The following CHCHD6 variants were observed in gnomAD, a reference collection of about 807,000 sequenced individuals.
CHCHD6 encodes coiled-coil-helix-coiled-coil-helix domain containing 6.
A neutral mutation model predicts 32.3 loss-of-function variants in CHCHD6; 28 were observed. The ratio of observed to expected loss-of-function variants is 0.87; its 90% CI spans 0.64 to 1.19. The LOEUF (loss-of-function observed/expected upper bound fraction) is 1.19. Ranked by LOEUF, CHCHD6 falls within the 50% of genes most tolerant of loss-of-function variation. CHCHD6 has a pLI of 0.00. For missense variants in CHCHD6, 333 were observed against 307.0 expected (o/e 1.08, Z -0.63); for synonymous variants, 122 against 117.5 (o/e 1.04, Z -0.25).
intron 5 of CHCHD6, among the ~76,000 whole-genome samples, chr3:126,855,907 A>G (rs574544120): frequency 1.3e-5 from 2 of 152,318 alleles, no homozygotes; most frequent in East Asian, 1.9e-4. Context: ...GGAGAACCGC[A>G]AGGTCCCATG....
At chr3:126,919,210 T>C (rs1041186415) in intron 6 of CHCHD6, among the ~76,000 whole-genome samples, 1 of 152,154 alleles carries the variant, frequency 6.6e-6, no homozygotes, top group Non-Finnish European at 1.5e-5. Flanking sequence ...TTAGGTTAAG[T>C]TGGTTAGTCA....
intron 6 of CHCHD6, among the ~76,000 whole-genome samples, chr3:126,939,175 A>C (rs568906739): frequency 1.3e-5 from 2 of 152,130 alleles, no homozygotes; most frequent in South Asian, 4.2e-4. Flanking sequence ...AGAATCCACC[A>C]CCCCGGGGTG....
At chr3:126,788,617 G>C (rs1017286892) in intron 4 of CHCHD6, among the ~76,000 whole-genome samples, 1 of 152,148 alleles carries the variant, frequency 6.6e-6, no homozygotes, top group Non-Finnish European at 1.5e-5. Context: ...TTGTGTAGAA[G>C]TGTTTATAGT....
intron 4 of CHCHD6, among the ~76,000 whole-genome samples, chr3:126,737,317 T>C (rs2107661632): frequency 6.6e-6 from 1 of 151,548 alleles, no homozygotes; most frequent in Non-Finnish European, 1.5e-5. Context: ...AGATTCCATC[T>C]AAAAACCCAA....
intron 4 of CHCHD6, among the ~76,000 whole-genome samples, chr3:126,850,186 C>T (rs573013801): frequency 2.6e-5 from 4 of 152,336 alleles, no homozygotes; most frequent in African/African-American, 9.6e-5. Context: ...GAATTAGAGA[C>T]GGTGAGCTCA....
At chr3:126,916,446 C>T (rs1313402717) in intron 6 of CHCHD6, among the ~76,000 whole-genome samples, 1 of 151,802 alleles carries the variant, frequency 6.6e-6, no homozygotes, top group Non-Finnish European at 1.5e-5. Flanking sequence ...AATTTCAAGT[C>T]CTACAGCAAT....
intron 5 of CHCHD6, among the ~76,000 whole-genome samples, chr3:126,900,502 C>T (rs908589923): frequency 1.4e-4 from 21 of 152,070 alleles, no homozygotes; most frequent in African/African-American, 5.1e-4. Flanking sequence ...CTGGGAATAC[C>T]TCAGGAAGCT....
chr3:126,818,800 C>A (rs989938669), intron 4 of CHCHD6, among the ~76,000 whole-genome samples: 2 of 152,194 alleles, frequency 1.3e-5, no homozygotes, highest in African/African-American at 4.8e-5. Flanking sequence ...AATCTCGGTT[C>A]CTCCTGCAAC....
At chr3:126,782,466 C>T (rs1937992273) in intron 4 of CHCHD6, among the ~76,000 whole-genome samples, 1 of 152,234 alleles carries the variant, frequency 6.6e-6, no homozygotes, top group African/African-American at 2.4e-5. Context: ...TTTCTGATTC[C>T]AATCCGATGC....
intron 5 of CHCHD6, among the ~76,000 whole-genome samples, chr3:126,875,757 G>T (rs1405637103): frequency 6.6e-6 from 1 of 152,176 alleles, no homozygotes; most frequent in Non-Finnish European, 1.5e-5. Flanking sequence ...TGTGTTAAAG[G>T]TCTTCTAACA....
chr3:126,731,334 G>C (rs1935794317), intron 3 of CHCHD6, among the ~76,000 whole-genome samples: 1 of 152,090 alleles, frequency 6.6e-6, no homozygotes, highest in African/African-American at 2.4e-5. Context: ...CATGGGACCT[G>C]CTTCCTGTCG....
At chr3:126,957,090 G>A in intron 6 of CHCHD6, 2 of 404,396 alleles carry the variant, frequency 4.9e-6, no homozygotes, top group Non-Finnish European at 4.6e-6. Context: ...CCATCCTCAT[G>A]GGGGCCCTCC....
intron 4 of CHCHD6, among the ~76,000 whole-genome samples, chr3:126,823,816 G>T (rs1041007468): frequency 1.8e-4 from 27 of 152,168 alleles, no homozygotes; most frequent in African/African-American, 6.0e-4. Flanking sequence ...AGAGGCCGAG[G>T]CAGGAGGATT....
intron 4 of CHCHD6, among the ~76,000 whole-genome samples, chr3:126,800,209 G>A (rs956006826): frequency 6.6e-6 from 1 of 152,190 alleles, no homozygotes; most frequent in African/African-American, 2.4e-5. Context: ...ACGATTGTAA[G>A]GATGTGAGAC....
intron 5 of CHCHD6, among the ~76,000 whole-genome samples, chr3:126,857,251 C>T (rs1941693099): frequency 6.6e-6 from 1 of 152,170 alleles, no homozygotes; most frequent in South Asian, 2.1e-4. Context: ...GAGGACCTCC[C>T]AGCTCTGTGA....
At chr3:126,731,098 TAAA>T (rs34596059) in intron 3 of CHCHD6, among the ~76,000 whole-genome samples, 1,681 of 73,952 alleles carry the variant, frequency 0.023, 46 homozygotes, top group African/African-American at 0.075. Context: ...ACCCTGTCTC[TAAA>T]AAAAAAAAAA....
rs775755391 is a variant in CHCHD6 at position 126,796,083 on chromosome 3, G to A, written c.412-56564G>A. Among the ~76,000 whole-genome samples the A allele has an allele frequency of 5.8e-4, 88 of 152,268 alleles. 2 individuals carry two copies. Among genetic ancestry groups the A allele is most frequent in the Non-Finnish European group, 7.4e-5 (5 of 68,022 alleles). On this transcript the variant is annotated intron_variant, in intron 4 of 7. Coordinates refer to ENST00000290913, the MANE Select transcript of CHCHD6 (RefSeq NM_032343.3). ...TTCTTGGCCAGGTGTAGTGGCTCATGGGTGTAATCCCAGCACTTTGGGAGG... is the reference window on the plus strand; with the variant it reads ...TTCTTGGCCAGGTGTAGTGGCTCATAGGTGTAATCCCAGCACTTTGGGAGG...
At chr3:126,946,431 G>C (rs987715859) in intron 6 of CHCHD6, among the ~76,000 whole-genome samples, 1 of 152,194 alleles carries the variant, frequency 6.6e-6, no homozygotes, top group Non-Finnish European at 1.5e-5. Context: ...GTCACACGCA[G>C]CCTCTGCCTC....
At chr3:126,734,714 G>T (rs971476055) in intron 4 of CHCHD6, among the ~76,000 whole-genome samples, 3 of 152,222 alleles carry the variant, frequency 2.0e-5, no homozygotes, top group Non-Finnish European at 2.9e-5. Flanking sequence ...TAAGCTGCTG[G>T]TGGATCAGAG....
Sources: allele counts gnomAD v4.1 joint callset (sites outside exome capture counted in the v4.1 genomes callset), GRCh38; gene constraint gnomAD v4.1.1; transcripts MANE v1.5; gene names NCBI Gene and HGNC (gene_info 2026-07-23, HGNC 2026-07-21).